CHSY1: variants seen among roughly 807,000 people sequenced by gnomAD.
The protein encoded by CHSY1 is N-acetylgalactosaminyl-proteoglycan 3-beta-glucuronosyltransferase 1.
A neutral mutation model predicts 59.8 loss-of-function variants in CHSY1; 13 were observed. That is an observed-to-expected ratio of 0.22 (90% CI 0.14 to 0.35). The LOEUF is 0.35. CHSY1 is among the 10% of genes least tolerant of loss of function. The pLI, the probability that CHSY1 is intolerant of heterozygous loss-of-function variation, is 1.00. For missense variants in CHSY1, 947 were observed against 1,030.6 expected (o/e 0.92, Z 1.11); for synonymous variants, 459 against 401.2 (o/e 1.14, Z -1.72).
At chr15:101,246,911 A>G (rs1369096837) in intron 1 of CHSY1, among the ~76,000 whole-genome samples, 1 of 152,236 alleles carries the variant, frequency 6.6e-6, no homozygotes, top group Non-Finnish European at 1.5e-5. Context: ...AATTGCAGCT[A>G]GTAATGCAAG....
intron 2 of CHSY1, among the ~76,000 whole-genome samples, chr15:101,218,407 G>A (rs1191706113): frequency 6.6e-6 from 1 of 152,128 alleles, no homozygotes; most frequent in African/African-American, 2.4e-5. Flanking sequence ...GAACAGCCTG[G>A]TCAACATGGT....
chr15:101,226,139 T>C (rs944079331), intron 2 of CHSY1, among the ~76,000 whole-genome samples: 1 of 152,216 alleles, frequency 6.6e-6, no homozygotes, highest in Non-Finnish European at 1.5e-5. Context: ...AAACATGAGA[T>C]TCCAAGACTA....
At chr15:101,186,802 ACAAAAAC>A (rs1286808675) in intron 2 of CHSY1, 4 of 5,442 alleles carry the variant, frequency 7.4e-4, no homozygotes, top group East Asian at 4.1e-3. Context: ...ACCCTGTCAA[ACAAAAAC>A]AAAAACAAAA....
chr15:101,183,712 C>T (rs1270810951), intron 2 of CHSY1, among the ~76,000 whole-genome samples: 1 of 152,254 alleles, frequency 6.6e-6, no homozygotes, highest in African/African-American at 2.4e-5. Context: ...TGCGGGAACA[C>T]GTGCAAACGG....
intron 1 of CHSY1, among the ~76,000 whole-genome samples, chr15:101,241,275 G>A (rs950872194): frequency 6.6e-6 from 1 of 152,158 alleles, no homozygotes; most frequent in Non-Finnish European, 1.5e-5. Context: ...ACTTATAGTT[G>A]AGACAGGGTT....
chr15:101,177,102 G>C lies in CHSY1; in HGVS notation c.*286C>G, dbSNP rs887784720. On this transcript the variant is annotated 3_prime_UTR_variant, in exon 3 of 3. Coordinates refer to ENST00000254190, the MANE Select transcript of CHSY1 (RefSeq NM_014918.5). ...TCACGTTTTCTGCCATAGGACTGGA[G>C]CAAAGGGTCTCAAAAGAAAACATTT... 3.2e-6 allele frequency: 1 copy of C among 312,272 alleles called. No homozygotes were observed. The highest frequency in any genetic ancestry group is 6.0e-6 in the Non-Finnish European group (1 of 168,062). The allele number at this position is 312,272 out of a possible 1,614,324, so 19.3% of individuals were successfully genotyped here.
intron 2 of CHSY1, among the ~76,000 whole-genome samples, chr15:101,204,724 T>C (rs2038607870): frequency 6.6e-6 from 1 of 151,212 alleles, no homozygotes; most frequent in African/African-American, 2.4e-5. Flanking sequence ...ACTGACATAA[T>C]GAAACCCCAT....
chr15:101,236,336 C>T (rs911125548), intron 1 of CHSY1, among the ~76,000 whole-genome samples: 1 of 152,180 alleles, frequency 6.6e-6, no homozygotes, highest in Admixed American at 6.5e-5. Flanking sequence ...GTAAGTGGAT[C>T]ACGGGGGCAG....
rs2039109116 is a variant in CHSY1, at chr15:101,251,335, C to T, written c.122G>A (p.Arg41His). The change falls in exon 1 of 3, where the codon CGC becomes CAC. Residue 41 changes from arginine to histidine, a missense_variant. This residue lies in a region of CHSY1 where 232 missense variants were observed against 188.5 expected (regional missense o/e 1.23). Transcript: ENST00000254190. ...CCGGCAGCCCTCGGGGCTGGCGCGG[C>T]GCCGTGGGCCCGCTCGCTTCAGCTC... ...ASELKRAGPR[R>H]RASPEGCRSG... 3 of 1,128,480 alleles carry T rather than the reference C, an allele frequency of 2.7e-6. No homozygotes were observed. The highest frequency in any genetic ancestry group is 2.1e-5 in the South Asian group (1 of 48,682). The allele number at this position is 1,128,480 out of a possible 1,614,324, so 69.9% of individuals were successfully genotyped here.
At chr15:101,189,073 C>T (rs754609064) in intron 2 of CHSY1, among the ~76,000 whole-genome samples, 2 of 152,222 alleles carry the variant, frequency 1.3e-5, no homozygotes, top group Non-Finnish European at 2.9e-5. Context: ...CCGTGAAAGG[C>T]GCCGTACCAG....
At chr15:101,186,096 C>A (rs1410801743) in intron 2 of CHSY1, among the ~76,000 whole-genome samples, 1 of 149,542 alleles carries the variant, frequency 6.7e-6, no homozygotes, top group African/African-American at 2.5e-5. Flanking sequence ...ATGCCTGCAA[C>A]CCCAGGAGTT....
chr15:101,200,737 G>T (rs1022921317), intron 2 of CHSY1, among the ~76,000 whole-genome samples: 2 of 152,066 alleles, frequency 1.3e-5, no homozygotes, highest in Non-Finnish European at 2.9e-5. Flanking sequence ...AATCTCTTAG[G>T]TCTCCTCTGC....
At chr15:101,187,990 T>A in intron 2 of CHSY1, 2 of 982,720 alleles carry the variant, frequency 2.0e-6, no homozygotes, top group Non-Finnish European at 2.4e-6. Flanking sequence ...GGTTAACAAA[T>A]ACCTTCCACA....
In CHSY1 at chr15:101,184,434, G is replaced by A. The variant is rs180832470; in HGVS notation, c.817-5454C>T. Among the ~76,000 whole-genome samples, 6 of 150,956 alleles carry A rather than the reference G, an allele frequency of 4.0e-5. No homozygotes were observed. The East Asian group carries it at 9.7e-4, about 25-fold the overall frequency. On this transcript the variant is annotated intron_variant, in intron 2 of 2. Coordinates refer to ENST00000254190, the MANE Select transcript of CHSY1 (RefSeq NM_014918.5). The stretch of plus-strand genomic sequence containing the variant: ...CTCCTTCTGTCATCCAGGCTGGAGT[G>A]CAGTGGTGTGATCTCAGCTCACTGC...
chr15:101,179,917 A>C (rs942550054), intron 2 of CHSY1, among the ~76,000 whole-genome samples: 64 of 152,368 alleles, frequency 4.2e-4, no homozygotes, highest in African/African-American at 1.4e-3. Flanking sequence ...GTTTTTACAA[A>C]GCATGTTGGA....
intron 2 of CHSY1, among the ~76,000 whole-genome samples, chr15:101,221,478 C>T (rs780605208): frequency 6.6e-6 from 1 of 152,084 alleles, no homozygotes; most frequent in Non-Finnish European, 1.5e-5. Flanking sequence ...GAGTGTCTCT[C>T]TCTCTCCCTC....
At chr15:101,236,588 G>A (rs1376424329) in intron 1 of CHSY1, among the ~76,000 whole-genome samples, 1 of 152,146 alleles carries the variant, frequency 6.6e-6, no homozygotes, top group African/African-American at 2.4e-5. Context: ...TTGGGAGGCC[G>A]AGGCGGGCGG....
intron 2 of CHSY1, chr15:101,186,861 G>A (rs987616507): frequency 1.3e-5 from 2 of 152,306 alleles, no homozygotes; most frequent in African/African-American, 2.4e-5. Flanking sequence ...ACAAAAAAGT[G>A]ACTGCATTGT....
chr15:101,214,950 T>G (rs527325574), intron 2 of CHSY1, among the ~76,000 whole-genome samples: 3 of 152,218 alleles, frequency 2.0e-5, no homozygotes, highest in Non-Finnish European at 4.4e-5. Flanking sequence ...TGCTGTTCTC[T>G]TGACAGTGAG....
Sources: allele counts gnomAD v4.1 joint callset (sites outside exome capture counted in the v4.1 genomes callset), GRCh38; gene constraint gnomAD v4.1.1; regional missense constraint gnomAD v4.1.1; transcripts MANE v1.5; gene names NCBI Gene and HGNC (gene_info 2026-07-23, HGNC 2026-07-21).